STARD13: variants seen among roughly 807,000 people sequenced by gnomAD.
STARD13 encodes the protein stAR-related lipid transfer protein 13.
A neutral mutation model predicts 106.4 loss-of-function variants in STARD13; 62 were observed. That is an observed-to-expected ratio of 0.58 (90% confidence interval 0.48 to 0.72). The LOEUF (loss-of-function observed/expected upper bound fraction) is 0.72, where lower values mean the gene tolerates loss of function less well. Ranked by LOEUF, STARD13 falls within the 30% of genes least tolerant of loss-of-function variation. The pLI is 0.00. For missense variants in STARD13, 1,387 were observed against 1,424.0 expected (o/e 0.97, Z 0.42); for synonymous variants, 565 against 553.0 (o/e 1.02, Z -0.31).
At chr13:33,244,497 C>G (rs986341703) in intron 1 of STARD13, among the ~76,000 whole-genome samples, 2 of 152,020 alleles carry the variant, frequency 1.3e-5, no homozygotes, top group Admixed American at 1.3e-4. Flanking sequence ...GAAATTTAGC[C>G]TTGCTGCTCC....
At chr13:33,360,740 G>T in the STARD13 span, among the ~76,000 whole-genome samples, 3 of 136,584 alleles carry the variant, frequency 2.2e-5, no homozygotes, top group African/African-American at 5.3e-5. Context: ...ATTGTTGATC[G>T]TTGAACAATA....
At chr13:33,602,530 T>C in the STARD13 span, among the ~76,000 whole-genome samples, 1 of 152,212 alleles carries the variant, frequency 6.6e-6, no homozygotes, top group Non-Finnish European at 1.5e-5. Context: ...GGGCAGTTTA[T>C]TAACCCAATT....
At chr13:33,295,384 G>A (rs548663364) in intron 1 of STARD13, among the ~76,000 whole-genome samples, 1 of 152,288 alleles carries the variant, frequency 6.6e-6, no homozygotes, top group Admixed American at 6.5e-5. Flanking sequence ...GGGCAGCAAG[G>A]GGAGGCTCCT....
intron 3 of STARD13, among the ~76,000 whole-genome samples, chr13:33,155,239 C>T (rs75249406): frequency 0.011 from 1,630 of 152,230 alleles, 24 homozygotes; most frequent in African/African-American, 0.037. Context: ...GGTTGTTCCC[C>T]ACCTCAGGGA....
intron 1 of STARD13, among the ~76,000 whole-genome samples, chr13:33,338,032 G>C (rs948080755): frequency 6.6e-6 from 1 of 152,156 alleles, no homozygotes; most frequent in Non-Finnish European, 1.5e-5. Flanking sequence ...TGCAGGCTCC[G>C]GACTCCTGAC....
intron 3 of STARD13, among the ~76,000 whole-genome samples, chr13:33,155,919 C>A (rs1281456598): frequency 6.6e-6 from 1 of 152,180 alleles, no homozygotes; most frequent in East Asian, 1.9e-4. Flanking sequence ...CAGCAGCCAT[C>A]CTGCTTTAGG....
intron 3 of STARD13, among the ~76,000 whole-genome samples, chr13:33,147,135 G>A (rs1156366732): frequency 6.6e-6 from 1 of 152,224 alleles, no homozygotes; most frequent in East Asian, 1.9e-4. Context: ...AGTCAACATG[G>A]CAGTTGCCTG....
the STARD13 span, among the ~76,000 whole-genome samples, chr13:33,500,416 T>C: frequency 6.6e-6 from 1 of 152,208 alleles, no homozygotes; most frequent in Non-Finnish European, 1.5e-5. Flanking sequence ...AAAATGAGAT[T>C]GACAATTTCC....
chr13:33,359,288 A>G, the STARD13 span, among the ~76,000 whole-genome samples: 709 of 152,080 alleles, frequency 4.7e-3, 4 homozygotes, highest in African/African-American at 0.016. Flanking sequence ...CCACCGGGAG[A>G]AACGAACAAC....
chr13:33,549,567 A>G, the STARD13 span, among the ~76,000 whole-genome samples: 1 of 152,220 alleles, frequency 6.6e-6, no homozygotes, highest in Non-Finnish European at 1.5e-5. Context: ...TCACCATGTC[A>G]TCTATAGGCA....
chr13:33,185,785 C>T, intron 1 of STARD13: 1 of 1,279,878 alleles, frequency 7.8e-7, no homozygotes, highest in South Asian at 1.3e-5. Flanking sequence ...TCCAGACCAC[C>T]TGACCACTGC....
At chr13:33,481,435 A>G in the STARD13 span, among the ~76,000 whole-genome samples, 2 of 152,216 alleles carry the variant, frequency 1.3e-5, no homozygotes, top group African/African-American at 4.8e-5. Context: ...AAGATATTGA[A>G]CCACAGTCTA....
chr13:33,454,787 G>A, the STARD13 span, among the ~76,000 whole-genome samples: 1 of 152,206 alleles, frequency 6.6e-6, no homozygotes, highest in Non-Finnish European at 1.5e-5. Flanking sequence ...CGAATGAAGG[G>A]GAGCAAGGCC....
upstream of STARD13, among the ~76,000 whole-genome samples, chr13:33,286,992 G>A (rs944896597): frequency 6.6e-6 from 1 of 151,990 alleles, no homozygotes; most frequent in Non-Finnish European, 1.5e-5. Context: ...ATTGTTTGAT[G>A]TGAAGAGAAA....
intron 1 of STARD13, among the ~76,000 whole-genome samples, chr13:33,319,903 C>T (rs900755928): frequency 7.2e-5 from 11 of 152,204 alleles, no homozygotes; most frequent in Non-Finnish European, 1.0e-4. Context: ...TAGCATGATA[C>T]GGAACCATAC....
chr13:33,285,057 G>A (rs1395900466), intron 1 of STARD13, among the ~76,000 whole-genome samples: 2 of 152,086 alleles, frequency 1.3e-5, no homozygotes, highest in Admixed American at 6.6e-5. Context: ...AAGGATATTC[G>A]AAATACTCTG....
chr13:33,583,903 A>T, the STARD13 span, among the ~76,000 whole-genome samples: 1 of 148,038 alleles, frequency 6.8e-6, no homozygotes, highest in African/African-American at 2.5e-5. Context: ...TCTTTCAGTT[A>T]TTACGAATAA....
At chr13:33,293,351 A>G (rs1189739696) in intron 1 of STARD13, among the ~76,000 whole-genome samples, 1 of 152,228 alleles carries the variant, frequency 6.6e-6, no homozygotes, top group East Asian at 1.9e-4. Flanking sequence ...AATTGATTGA[A>G]TAAATAATTG....
chr13:33,150,169 C>G (rs1197313269), intron 3 of STARD13, among the ~76,000 whole-genome samples: 5 of 152,236 alleles, frequency 3.3e-5, no homozygotes, highest in South Asian at 2.1e-4. Context: ...ACTGAGCATG[C>G]TTTGTTCATA....
Sources: gnomAD v4.1 joint callset for allele counts (sites outside exome capture counted in the v4.1 genomes callset) on GRCh38, gnomAD v4.1.1 for gene constraint, MANE v1.5 for transcripts, NCBI Gene and HGNC (gene_info 2026-07-23, HGNC 2026-07-21) for gene names.